The following CDH13 variants were observed in gnomAD, a reference collection of about 807,000 sequenced individuals.
The protein encoded by CDH13 is cadherin 13, also known as cadherin-13.
Under a neutral mutation model 63.8 loss-of-function variants are expected in CDH13, and 24 were observed. That is an observed-to-expected ratio of 0.38 (90% CI 0.27 to 0.53). The LOEUF (loss-of-function observed/expected upper bound fraction) is 0.53. CDH13 is among the 20% of genes least tolerant of loss of function. The pLI is 0.85. For missense variants in CDH13, 1,049 were observed against 903.1 expected (o/e 1.16, Z -2.07); for synonymous variants, 503 against 355.3 (o/e 1.42, Z -4.67).
Position 83,128,187 on chromosome 16 carries a change from G to C in CDH13, c.483+2686G>C, listed in dbSNP as rs146961725. The stretch of plus-strand genomic sequence containing the variant: ...CCTCAGAGATTGATTCCACTGGGGT[G>C]GGGGTGAGGACCATGCATCAATATA... On this transcript the variant is annotated intron_variant, in intron 4 of 13. Coordinates refer to ENST00000567109, the MANE Select transcript of CDH13 (RefSeq NM_001257.5). Among the ~76,000 whole-genome samples, 985 of 152,164 alleles carry C rather than the reference G, an allele frequency of 6.5e-3. 9 individuals carry two copies. The highest frequency in any genetic ancestry group is 0.022 in the African/African-American group (920 of 41,448).
intron 6 of CDH13, among the ~76,000 whole-genome samples, chr16:83,478,453 A>T (rs958762387): frequency 3.3e-5 from 5 of 152,012 alleles, no homozygotes; most frequent in Non-Finnish European, 7.4e-5. Flanking sequence ...GGACTGACCA[A>T]AGGTCATTAG....
chr16:83,251,851 G>A (rs1905576911), intron 5 of CDH13, among the ~76,000 whole-genome samples: 1 of 151,926 alleles, frequency 6.6e-6, no homozygotes. Flanking sequence ...GGTCCACCTA[G>A]AGGCAGGGAA....
intron 1 of CDH13, among the ~76,000 whole-genome samples, chr16:82,661,934 T>C (rs997577669): frequency 3.9e-5 from 6 of 152,228 alleles, no homozygotes; most frequent in African/African-American, 1.4e-4. Context: ...TACATTTCAT[T>C]TAATCAAATT....
intron 5 of CDH13, among the ~76,000 whole-genome samples, chr16:83,259,909 T>G (rs1008788722): frequency 6.6e-6 from 1 of 152,100 alleles, no homozygotes; most frequent in Admixed American, 6.5e-5. Context: ...AAATTCAGAT[T>G]GCTCATCGTG....
At chr16:82,940,137 G>C (rs2042787910) in intron 2 of CDH13, among the ~76,000 whole-genome samples, 1 of 152,182 alleles carries the variant, frequency 6.6e-6, no homozygotes. Context: ...CCCACAACGT[G>C]TGGGAATTAT....
At chr16:83,570,819 A>T (rs919733322) in intron 7 of CDH13, among the ~76,000 whole-genome samples, 4 of 122,530 alleles carry the variant, frequency 3.3e-5, no homozygotes, top group Admixed American at 9.6e-5. Context: ...TATATTTATA[A>T]ATATAAATAA....
At chr16:83,772,319 A>G (rs1285830640) in intron 11 of CDH13, among the ~76,000 whole-genome samples, 5 of 152,188 alleles carry the variant, frequency 3.3e-5, no homozygotes, top group Non-Finnish European at 7.3e-5. Context: ...GCCAGGGCAG[A>G]GGCAGTAGGC....
intron 2 of CDH13, among the ~76,000 whole-genome samples, chr16:83,029,309 TAACA>T (rs2151468410): frequency 6.6e-6 from 1 of 152,294 alleles, no homozygotes; most frequent in African/African-American, 2.4e-5. Flanking sequence ...TATTTGGCTT[TAACA>T]GTGTGCTAGG....
intron 3 of CDH13, among the ~76,000 whole-genome samples, chr16:83,073,346 TGTGTGTGTGAGAGAGAGA>T (rs892447033): frequency 3.1e-5 from 4 of 129,768 alleles, no homozygotes; most frequent in African/African-American, 1.3e-4. Context: ...TGTGTGTGTG[TGTGTGTGTGAGAGAGAGA>T]GAGAGAGAGA....
chr16:82,692,596 T>C (rs1915750835), intron 1 of CDH13, among the ~76,000 whole-genome samples: 1 of 152,198 alleles, frequency 6.6e-6, no homozygotes, highest in Admixed American at 6.5e-5. Context: ...TTATGGGAGC[T>C]ACAATTCAAG....
At chr16:83,310,854 C>G (rs1178660838) in intron 5 of CDH13, among the ~76,000 whole-genome samples, 1 of 152,194 alleles carries the variant, frequency 6.6e-6, no homozygotes, top group African/African-American at 2.4e-5. Context: ...GAAAGGAACC[C>G]TCCTAACAAA....
intron 6 of CDH13, among the ~76,000 whole-genome samples, chr16:83,458,872 G>T (rs2073094290): frequency 6.6e-6 from 1 of 152,150 alleles, no homozygotes; most frequent in East Asian, 1.9e-4. Context: ...CTGCAGCATT[G>T]CAGCAATGAG....
At chr16:83,654,101 T>A (rs1912648971) in intron 8 of CDH13, among the ~76,000 whole-genome samples, 1 of 152,064 alleles carries the variant, frequency 6.6e-6, no homozygotes, top group African/African-American at 2.4e-5. Flanking sequence ...GGCTAGGGGA[T>A]GATGGATGGA....
intron 1 of CDH13, among the ~76,000 whole-genome samples, chr16:82,707,777 A>G (rs140007387): frequency 1.6e-4 from 25 of 152,310 alleles, no homozygotes; most frequent in African/African-American, 4.8e-4. Flanking sequence ...TCTCAGCACA[A>G]AGCAGCCTCT....
chr16:82,806,289 T>G (rs2037136955), intron 1 of CDH13, among the ~76,000 whole-genome samples: 1 of 152,208 alleles, frequency 6.6e-6, no homozygotes, highest in Admixed American at 6.5e-5. Flanking sequence ...TGTCTCCTCT[T>G]CTTTCCAGCC....
At chr16:82,768,331 C>G (rs990560307) in intron 1 of CDH13, among the ~76,000 whole-genome samples, 2 of 152,108 alleles carry the variant, frequency 1.3e-5, no homozygotes, top group Non-Finnish European at 2.9e-5. Context: ...GTCATTTTAG[C>G]AATTAGTTTC....
chr16:83,080,881 T>TTG (rs796209897), intron 3 of CDH13, among the ~76,000 whole-genome samples: 1 of 110,754 alleles, frequency 9.0e-6, no homozygotes, highest in Non-Finnish European at 1.8e-5. Flanking sequence ...GTTTTTTTTT[T>TTG]TTTTTTTTTT....
chr16:82,671,599 A>C (rs1220073510), intron 1 of CDH13, among the ~76,000 whole-genome samples: 1 of 152,174 alleles, frequency 6.6e-6, no homozygotes, highest in Non-Finnish European at 1.5e-5. Context: ...TTTTCTCACT[A>C]ATCCTTTGTG....
chr16:83,389,787 G>C (rs1163226273), intron 6 of CDH13, among the ~76,000 whole-genome samples: 1 of 152,202 alleles, frequency 6.6e-6, no homozygotes, highest in Non-Finnish European at 1.5e-5. Context: ...CACTTTGCCA[G>C]GTGAGTCTGA....
Sources: allele counts gnomAD v4.1 joint callset (sites outside exome capture counted in the v4.1 genomes callset), GRCh38; gene constraint gnomAD v4.1.1; transcripts MANE v1.5; gene names NCBI Gene and HGNC (gene_info 2026-07-23, HGNC 2026-07-21).